Variants in CRPPA observed in about 807,000 individuals in gnomAD.
The protein encoded by CRPPA is CDP-L-ribitol pyrophosphorylase A.
Under a neutral mutation model 52.0 loss-of-function variants are expected in CRPPA, and 43 were observed. The observed-to-expected ratio is 0.83, with a 90% CI of 0.65 to 1.07. CRPPA has a LOEUF of 1.07. CRPPA is among the 50% of genes least tolerant of loss of function. The pLI is 0.00. For missense variants in CRPPA, 629 were observed against 551.7 expected, an observed-to-expected ratio of 1.14 and a Z score of -1.40; for synonymous variants, 250 against 203.5, an observed-to-expected ratio of 1.23 and a Z score of -1.94.
At chr7:16,123,192 C>T (rs73056323) in intron 9 of CRPPA, among the ~76,000 whole-genome samples, 2,034 of 152,126 alleles carry the variant, frequency 0.013, 30 homozygotes, top group Non-Finnish European at 0.016. Flanking sequence ...GTTTAATATG[C>T]TTGAAATTTA....
rs1781077316 is a variant in CRPPA at position 16,166,893 on chromosome 7, C to T, written c.1251+49173G>A. Among the ~76,000 whole-genome samples, 7 of 151,850 alleles carry T rather than the reference C, an allele frequency of 4.6e-5. No homozygotes were observed. The South Asian group carries it at 1.5e-3, about 32-fold the overall frequency. On this transcript the variant is annotated intron_variant, in intron 9 of 9. Coordinates refer to ENST00000407010, the MANE Select transcript of CRPPA (RefSeq NM_001101426.4). The stretch of plus-strand genomic sequence containing the variant: ...AATACCATCCTAAGCTTGTGTGCAA[C>T]CTCTTCAAGAAAGCTTTCCCCTTCT...
chr7:16,271,621 G>C (rs2128416178), intron 6 of CRPPA, among the ~76,000 whole-genome samples: 1 of 152,106 alleles, frequency 6.6e-6, no homozygotes, highest in Non-Finnish European at 1.5e-5. Context: ...GTTACTTCTG[G>C]TTTGTTCTTT....
intron 1 of CRPPA, among the ~76,000 whole-genome samples, chr7:16,414,350 A>AACACACACACACACACACACACAC: frequency 7.2e-6 from 1 of 138,766 alleles, no homozygotes; most frequent in Non-Finnish European, 1.6e-5. Flanking sequence ...CCCCTACCCC[A>AACACACACACACACACACACACAC]ACACACACAC....
intron 2 of CRPPA, among the ~76,000 whole-genome samples, chr7:16,389,816 T>C (rs1001250631): frequency 6.7e-5 from 10 of 150,286 alleles, no homozygotes; most frequent in Non-Finnish European, 1.3e-4. Context: ...TATTTGCAGA[T>C]TGCATGATCC....
intron 3 of CRPPA, among the ~76,000 whole-genome samples, chr7:16,366,628 A>G (rs1786596125): frequency 6.6e-6 from 1 of 152,172 alleles, no homozygotes; most frequent in South Asian, 2.1e-4. Flanking sequence ...TTCTGGGGAT[A>G]GCAAAGAGTA....
intron 9 of CRPPA, among the ~76,000 whole-genome samples, chr7:16,102,892 T>C (rs1391712064): frequency 1.3e-5 from 2 of 152,198 alleles, no homozygotes; most frequent in East Asian, 3.9e-4. Flanking sequence ...TGGAAGACAG[T>C]GTGGCAATTC....
intron 6 of CRPPA, among the ~76,000 whole-genome samples, chr7:16,262,765 T>A (rs1020039500): frequency 6.6e-6 from 1 of 152,160 alleles, no homozygotes; most frequent in African/African-American, 2.4e-5. Context: ...AATAAAAGAA[T>A]TATCTTAATG....
intron 9 of CRPPA, among the ~76,000 whole-genome samples, chr7:16,140,339 T>G (rs973881814): frequency 6.6e-6 from 1 of 150,846 alleles, no homozygotes; most frequent in Non-Finnish European, 1.5e-5. Context: ...TTTTTTTTTG[T>G]ATTTTAGTAG....
intron 9 of CRPPA, chr7:16,210,658 T>C (rs1486963951): frequency 1.3e-5 from 2 of 152,186 alleles, no homozygotes; most frequent in African/African-American, 4.8e-5. Context: ...GTTGCATCCT[T>C]GATGGAGACC....
Position 16,112,263 on chromosome 7 carries a change from C to G in CRPPA, c.1252-20464G>C, listed in dbSNP as rs576275862. On this transcript the variant is annotated intron_variant, in intron 9 of 9. Coordinates refer to ENST00000407010, the MANE Select transcript of CRPPA (RefSeq NM_001101426.4). ...CTGGGAGGCAGAGGTTGCAGTAAGC[C>G]GAGATTGTGCCACTGCACTACATCT... 6.6e-5 allele frequency among the ~76,000 whole-genome samples: 10 copies of G among 151,718 alleles called. No individual in the cohort carries two copies. In the South Asian group the frequency reaches 8.3e-4, roughly 13 times the overall value.
rs3839757 is a variant in CRPPA, at chr7:16,278,234, T to TA, written c.836-9dup. The TA allele has an allele frequency of 0.045, 53,475 of 1,194,770 alleles. 739 individuals are homozygous for TA. The highest frequency in any genetic ancestry group is 0.16 in the African/African-American group (10,164 of 63,670). The allele number at this position is 1,194,770 out of a possible 1,614,324, so 74.0% of individuals were successfully genotyped here. ...TCTCTTGGGAAATTCTCTCTGAAAT[T>TA]AAAAAAAAAAAGTTTTAAGTTTCAA... On this transcript the variant is annotated splice_polypyrimidine_tract_variant and intron_variant, in intron 5 of 9. Coordinates refer to ENST00000407010, the MANE Select transcript of CRPPA (RefSeq NM_001101426.4).
At position 16,301,454 on chromosome 7, in the gene CRPPA, G is replaced by A. The variant is rs368593151; in HGVS notation, c.802C>T (p.Arg268Ter). 28 of 1,612,072 alleles carry A rather than the reference G, an allele frequency of 1.7e-5. No homozygotes were observed. Among genetic ancestry groups the A allele is most frequent in the East Asian group, 2.2e-5 (1 of 44,844 alleles). ...ATCGATTCAGCCGCATAGAGATCTC[G>A]TTTGTAGGTCACCTAAAGGACAGAT... The part of the protein sequence containing the change: ...SPDLWKVTYK[R>*]DLYAAESIIK... The change falls in exon 5 of 10, where the codon CGA becomes TGA. Residue 268 changes from arginine (R) to a stop codon, truncating the protein, a stop_gained. Coordinates refer to ENST00000407010, the MANE Select transcript of CRPPA (RefSeq NM_001101426.4). LOFTEE classifies it high-confidence loss of function.
At chr7:16,245,518 T>C (rs1194661151) in intron 8 of CRPPA, among the ~76,000 whole-genome samples, 2 of 152,184 alleles carry the variant, frequency 1.3e-5, no homozygotes, top group African/African-American at 2.4e-5. Context: ...TGCCTCTCCA[T>C]CCAAGAAGCC....
At chr7:16,109,151 G>A (rs1021048851) in intron 9 of CRPPA, among the ~76,000 whole-genome samples, 1 of 151,500 alleles carries the variant, frequency 6.6e-6, no homozygotes, top group African/African-American at 2.4e-5. Flanking sequence ...GTTGGTCTTT[G>A]GGAAAGATAA....
chr7:16,175,044 A>C (rs1264021206), intron 9 of CRPPA, among the ~76,000 whole-genome samples: 2 of 152,126 alleles, frequency 1.3e-5, no homozygotes, highest in South Asian at 2.1e-4. Context: ...ATAGTTATAC[A>C]CTCATATGGC....
At chr7:16,095,605 A>G (rs1583351331) in intron 9 of CRPPA, among the ~76,000 whole-genome samples, 1 of 152,198 alleles carries the variant, frequency 6.6e-6, no homozygotes. Context: ...ACAGTAACAT[A>G]TGCATGTCTA....
intron 8 of CRPPA, among the ~76,000 whole-genome samples, chr7:16,232,967 G>A (rs1339690332): frequency 6.6e-6 from 1 of 151,940 alleles, no homozygotes; most frequent in Non-Finnish European, 1.5e-5. Flanking sequence ...AAAACTATAG[G>A]AAAGACTGAA....
At chr7:16,277,688 T>C (rs1784234263) in intron 6 of CRPPA, among the ~76,000 whole-genome samples, 1 of 152,182 alleles carries the variant, frequency 6.6e-6, no homozygotes, top group Non-Finnish European at 1.5e-5. Context: ...ACTAGGAAGT[T>C]GGTCACTTCA....
At chr7:16,138,064 C>T (rs1367464046) in intron 9 of CRPPA, among the ~76,000 whole-genome samples, 1 of 152,088 alleles carries the variant, frequency 6.6e-6, no homozygotes, top group Non-Finnish European at 1.5e-5. Context: ...AACAATAAAA[C>T]CAGCATGCTG....
Sources: gnomAD v4.1 joint callset for allele counts (sites outside exome capture counted in the v4.1 genomes callset) on GRCh38, gnomAD v4.1.1 for gene constraint, MANE v1.5 for transcripts, NCBI Gene and HGNC (gene_info 2026-07-23, HGNC 2026-07-21) for gene names.